The following TRAPPC10 variants were observed in gnomAD, a reference collection of about 807,000 sequenced individuals.
TRAPPC10 encodes TRAPP 130 kDa subunit.
A neutral mutation model predicts 125.5 loss-of-function variants in TRAPPC10; 23 were observed. The ratio of observed to expected loss-of-function variants is 0.18; its 90% CI spans 0.13 to 0.26. TRAPPC10 has a LOEUF of 0.26. TRAPPC10 is among the 10% of genes least tolerant of loss of function. The pLI is 1.00. For synonymous variants in TRAPPC10, 509 were observed against 518.0 expected (o/e 0.98, Z 0.24); for missense variants, 1,123 against 1,308.4 (o/e 0.86, Z 2.19).
chr21:44,078,459 A>AAG (rs2037443858), intron 11 of TRAPPC10, among the ~76,000 whole-genome samples: 1 of 147,456 alleles, frequency 6.8e-6, no homozygotes, highest in African/African-American at 2.6e-5. Context: ...AAAAAAAAAA[A>AAG]GTGATTGAAA....
chr21:44,021,616 A>G (rs1393024816), intron 1 of TRAPPC10, among the ~76,000 whole-genome samples: 5 of 152,132 alleles, frequency 3.3e-5, no homozygotes, highest in African/African-American at 4.8e-5. Context: ...TCAGACATAT[A>G]ATTTATCCAC....
intron 3 of TRAPPC10, among the ~76,000 whole-genome samples, chr21:44,038,802 C>T (rs2034187078): frequency 6.6e-6 from 1 of 152,122 alleles, no homozygotes; most frequent in Non-Finnish European, 1.5e-5. Flanking sequence ...AAGTCTGCAC[C>T]TGGTTTTCCT....
intron 1 of TRAPPC10, among the ~76,000 whole-genome samples, chr21:44,018,339 A>T (rs965612294): frequency 3.3e-5 from 5 of 152,038 alleles, no homozygotes; most frequent in Non-Finnish European, 7.4e-5. Flanking sequence ...TGGGACGTCA[A>T]GGCTGCAGTG....
rs2038767360 is a variant in TRAPPC10, at chr21:44,094,119, G to A, written c.3054G>A (p.Glu1018=). 2 of 1,614,210 alleles carry A rather than the reference G, an allele frequency of 1.2e-6. No homozygotes were observed. The highest frequency in any genetic ancestry group is 8.5e-7 in the Non-Finnish European group (1 of 1,180,030). Reference sequence around the variant, plus strand: ...TCTGGGAACTCAAGTGGACAGAAGAGCCTCCCCCTTCTCTGCATTGCCGGT... The same window carrying A: ...TCTGGGAACTCAAGTGGACAGAAGAACCTCCCCCTTCTCTGCATTGCCGGT... ...FFVWELKWTE[E]PPPSLHCRFS... The change falls in exon 20 of 23, where the codon GAG becomes GAA. Residue 1018 remains glutamate, a synonymous_variant. Transcript: ENST00000291574.
chr21:44,023,025 CTTTT>C lies in TRAPPC10; in HGVS notation c.68-9044_68-9041del, dbSNP rs1028804319. ...TGGTGATATTCTCATTTCCCTATGT[CTTTT>C]TTTTTTTTTTTTTTTTTTTTTGAGA... On this transcript the variant is annotated intron_variant, in intron 1 of 22. Transcript: ENST00000291574. Among the ~76,000 whole-genome samples the C allele has an allele frequency of 5.0e-5, 4 of 80,234 alleles. No individual in the cohort carries two copies. The Admixed American group carries it at 6.7e-4, about 13-fold the overall frequency. The allele number at this position is 80,234 out of a possible 152,430, so 52.6% of individuals were successfully genotyped here. A position where few individuals can be genotyped will look rare whatever the true frequency, so the allele number is the denominator to read the frequency against.
At chr21:44,050,400 T>A (rs1442223199) in intron 3 of TRAPPC10, among the ~76,000 whole-genome samples, 1 of 72,862 alleles carries the variant, frequency 1.4e-5, no homozygotes, top group African/African-American at 5.3e-5. Flanking sequence ...CCTTCTGGGG[T>A]GGGGGTGGGG....
At chr21:44,085,765 G>A (rs2038084987) in intron 15 of TRAPPC10, among the ~76,000 whole-genome samples, 2 of 152,118 alleles carry the variant, frequency 1.3e-5, no homozygotes, top group African/African-American at 2.4e-5. Context: ...GTCTGGCATG[G>A]CATTTGAGAA....
intron 3 of TRAPPC10, among the ~76,000 whole-genome samples, chr21:44,041,335 G>A (rs548428353): frequency 6.6e-6 from 1 of 151,500 alleles, no homozygotes; most frequent in East Asian, 1.9e-4. Flanking sequence ...TTTCGGTTAA[G>A]TTGTAAAACT....
At chr21:44,084,644 G>A (rs2038003442) in intron 15 of TRAPPC10, among the ~76,000 whole-genome samples, 1 of 152,198 alleles carries the variant, frequency 6.6e-6, no homozygotes. Flanking sequence ...CAAGCAGTCG[G>A]TCCTGCAATT....
At chr21:44,054,702 CTGTT>C (rs1222538053) in intron 4 of TRAPPC10, among the ~76,000 whole-genome samples, 4 of 152,194 alleles carry the variant, frequency 2.6e-5, no homozygotes, top group Non-Finnish European at 5.9e-5. Flanking sequence ...TGTAATTAAA[CTGTT>C]TGCTCTATAT....
intron 3 of TRAPPC10, among the ~76,000 whole-genome samples, chr21:44,041,957 A>T (rs922482776): frequency 6.6e-6 from 1 of 151,860 alleles, no homozygotes; most frequent in African/African-American, 2.4e-5. Flanking sequence ...AACTCCTGAC[A>T]TCAGGCGATC....
chr21:44,072,674 G>C (rs760625096), intron 7 of TRAPPC10, among the ~76,000 whole-genome samples: 30 of 152,162 alleles, frequency 2.0e-4, no homozygotes, highest in Non-Finnish European at 4.0e-4. Context: ...ATATTGGTCA[G>C]GCTGGTCTCA....
intron 5 of TRAPPC10, among the ~76,000 whole-genome samples, chr21:44,058,700 GAC>G (rs1158984014): frequency 6.6e-6 from 1 of 152,196 alleles, no homozygotes; most frequent in Non-Finnish European, 1.5e-5. Context: ...AGTGAGTGTA[GAC>G]AGGGAAGTCC....
intron 1 of TRAPPC10, among the ~76,000 whole-genome samples, chr21:44,025,623 T>C (rs1480381006): frequency 6.6e-6 from 1 of 152,230 alleles, no homozygotes; most frequent in Non-Finnish European, 1.5e-5. Context: ...CTGTGTGTTC[T>C]TGTCTTTTAA....
At chr21:44,045,770 C>A (rs1404802307) in intron 3 of TRAPPC10, among the ~76,000 whole-genome samples, 10 of 151,940 alleles carry the variant, frequency 6.6e-5, no homozygotes, top group Non-Finnish European at 1.5e-4. Flanking sequence ...GTTGGCCAGG[C>A]TAGTCTCGAG....
chr21:44,094,776 G>T (rs1263727638), intron 20 of TRAPPC10, among the ~76,000 whole-genome samples: 1 of 150,186 alleles, frequency 6.7e-6, no homozygotes, highest in African/African-American at 2.5e-5. Context: ...TTAGGGAGAT[G>T]ATTTGACTTA....
chr21:44,076,997 T>C (rs2037333141), intron 10 of TRAPPC10, among the ~76,000 whole-genome samples: 1 of 152,208 alleles, frequency 6.6e-6, no homozygotes, highest in African/African-American at 2.4e-5. Flanking sequence ...AGCAAAACTT[T>C]AAAAAACGGC....
intron 6 of TRAPPC10, among the ~76,000 whole-genome samples, chr21:44,061,904 G>A (rs1042935718): frequency 9.9e-5 from 15 of 152,186 alleles, no homozygotes; most frequent in African/African-American, 3.6e-4. Flanking sequence ...CTAACTGAGG[G>A]CATTTGTTAG....
At chr21:44,018,877 G>A (rs1002688805) in intron 1 of TRAPPC10, among the ~76,000 whole-genome samples, 3 of 152,026 alleles carry the variant, frequency 2.0e-5, no homozygotes, top group African/African-American at 7.3e-5. Flanking sequence ...TTTGTCGTAG[G>A]AAAGTTTGTT....
Sources: gnomAD v4.1 joint callset for allele counts (sites outside exome capture counted in the v4.1 genomes callset) on GRCh38, gnomAD v4.1.1 for gene constraint, MANE v1.5 for transcripts, NCBI Gene and HGNC (gene_info 2026-07-23, HGNC 2026-07-21) for gene names.